FAM153A: variants seen among roughly 807,000 people sequenced by gnomAD.
FAM153A encodes protein FAM153A.
FAM153A carries 12 observed loss-of-function variants against 48.1 expected under a neutral mutation model. That is an observed-to-expected ratio of 0.25 (90% CI 0.16 to 0.40). FAM153A has a LOEUF of 0.40. Ranked by LOEUF, FAM153A falls within the 10% of genes least tolerant of loss-of-function variation. FAM153A has a pLI of 1.00. For synonymous variants in FAM153A, 36 were observed against 118.2 expected, an observed-to-expected ratio of 0.30 and a Z score of 4.51; for missense variants, 111 against 345.8, an observed-to-expected ratio of 0.32 and a Z score of 5.38.
rs1332525087 is a variant in FAM153A at position 177,714,485 on chromosome 5, CTAT to C, written c.*1223-572_*1223-570del. On this transcript the variant is annotated intron_variant and NMD_transcript_variant, in intron 25 of 26. Coordinates refer to the FAM153A transcript ENST00000360669. ...TATTAGAATGTTCTAATAATGAGTT[CTAT>C]TATTATAGTAATACTTCTGAATTCC... Among the ~76,000 whole-genome samples, 11 of 140,530 alleles carry C rather than the reference CTAT, an allele frequency of 7.8e-5. No homozygotes were observed. In the East Asian group the frequency reaches 2.1e-3, roughly 27 times the overall value. The allele number at this position is 140,530 out of a possible 152,430, so 92.2% of individuals were successfully genotyped here.
intron 18 of FAM153A, among the ~76,000 whole-genome samples, chr5:177,725,606 G>C (rs1434484186): frequency 6.6e-6 from 1 of 151,592 alleles, no homozygotes; most frequent in Non-Finnish European, 1.5e-5. Flanking sequence ...GGGAAGACTA[G>C]GAGGGAAGGT....
chr5:177,716,994 T>TGTGTGTGTGTGTGTGC (rs1554136879), intron 24 of FAM153A, among the ~76,000 whole-genome samples: 5 of 150,852 alleles, frequency 3.3e-5, no homozygotes, highest in Non-Finnish European at 1.5e-5. Flanking sequence ...TGTGTGTGTG[T>TGTGTGTGTGTGTGTGC]GTGTGTAGAG....
chr5:177,708,773 G>C (rs1261248464), downstream of FAM153A, among the ~76,000 whole-genome samples: 1 of 151,598 alleles, frequency 6.6e-6, no homozygotes, highest in Admixed American at 6.6e-5. Context: ...TAAGAGGGTT[G>C]CATGATTCCT....
At chr5:177,749,143 G>T (rs779900950) in intron 2 of FAM153A, among the ~76,000 whole-genome samples, 1 of 135,870 alleles carries the variant, frequency 7.4e-6, no homozygotes, top group Non-Finnish European at 1.7e-5. Context: ...AAAATACATC[G>T]TATTTATTAT....
the FAM153A span, among the ~76,000 whole-genome samples, chr5:177,701,868 C>T: frequency 2.7e-5 from 4 of 150,056 alleles, no homozygotes; most frequent in African/African-American, 7.4e-5. Context: ...GATGAGGTCT[C>T]AAATGCAAAT....
chr5:177,723,203 C>A (rs71601377), downstream of FAM153A: 2 of 136,022 alleles, frequency 1.5e-5, no homozygotes, highest in African/African-American at 2.6e-5. Flanking sequence ...CTAGCATCCC[C>A]ACCGGACCTG....
At chr5:177,713,493 G>A (rs13162334) in intron 26 of FAM153A, among the ~76,000 whole-genome samples, 8 of 151,356 alleles carry the variant, frequency 5.3e-5, no homozygotes, top group Admixed American at 2.0e-4. Context: ...TCCTGACCTC[G>A]TGATCCGCCC....
At chr5:177,710,505 T>C (rs1471691562), downstream of FAM153A, among the ~76,000 whole-genome samples, 1 of 151,720 alleles carries the variant, frequency 6.6e-6, no homozygotes, top group Non-Finnish European at 1.5e-5. Context: ...TTTTGTTCTC[T>C]GGGCCAGTAG....
chr5:177,701,271 T>C, the FAM153A span, among the ~76,000 whole-genome samples: 1 of 151,752 alleles, frequency 6.6e-6, no homozygotes, highest in Non-Finnish European at 1.5e-5. Flanking sequence ...CTTTATAAAT[T>C]ACCCAGTCTA....
chr5:177,702,022 C>T, the FAM153A span, among the ~76,000 whole-genome samples: 2 of 151,568 alleles, frequency 1.3e-5, no homozygotes, highest in African/African-American at 2.4e-5. Flanking sequence ...ATTCTCCTGC[C>T]TCAGCCTCCC....
chr5:177,746,035 G>A (rs1419028694), intron 4 of FAM153A, among the ~76,000 whole-genome samples: 1 of 150,772 alleles, frequency 6.6e-6, no homozygotes, highest in Non-Finnish European at 1.5e-5. Flanking sequence ...TTATACCAGG[G>A]CTTTGTGACA....
At chr5:177,737,864 A>G (rs1764928129) in intron 10 of FAM153A, among the ~76,000 whole-genome samples, 1 of 151,738 alleles carries the variant, frequency 6.6e-6, no homozygotes, top group African/African-American at 2.4e-5. Context: ...TTCAATGAGG[A>G]GATTAATTCT....
downstream of FAM153A, among the ~76,000 whole-genome samples, chr5:177,705,658 C>CTT (rs70994931): frequency 3.2e-3 from 253 of 79,822 alleles, 7 homozygotes; most frequent in African/African-American, 9.6e-3. Context: ...TTTTCTTTTT[C>CTT]TTTTTTTTTT....
chr5:177,698,059 G>A, the FAM153A span, among the ~76,000 whole-genome samples: 80,332 of 149,478 alleles, frequency 0.54, 21,854 homozygotes, highest in Middle Eastern at 0.62. Flanking sequence ...TAAGTAAGGC[G>A]GATGGGCAAC....
downstream of FAM153A, among the ~76,000 whole-genome samples, chr5:177,710,365 G>T (rs970487920): frequency 6.6e-6 from 1 of 151,650 alleles, no homozygotes; most frequent in African/African-American, 2.4e-5. Context: ...TCCTATCTTG[G>T]CCTCCCAAAG....
At position 177,743,620 on chromosome 5, in the gene FAM153A, A is replaced by G. The variant is rs1275201760; in HGVS notation, c.364+774T>C. ...GTTTCCCAGCAGAACTCGCTGTAGC[A>G]TGAGGCTGCTCCAGGGTCTAAATGC... On this transcript the variant is annotated intron_variant, in intron 6 of 20. Coordinates refer to ENST00000614127, the Ensembl canonical transcript of FAM153A. Among the ~76,000 whole-genome samples, 219 of 95,858 alleles carry G rather than the reference A, an allele frequency of 2.3e-3. 1 individual carries two copies. Among genetic ancestry groups the G allele is most frequent in the African/African-American group, 7.8e-3 (184 of 23,500 alleles). The allele number at this position is 95,858 out of a possible 152,430, so 62.9% of individuals were successfully genotyped here.
intron 1 of FAM153A, among the ~76,000 whole-genome samples, chr5:177,767,965 C>G (rs1391168386): frequency 1.2e-5 from 1 of 82,588 alleles, no homozygotes; most frequent in African/African-American, 4.7e-5. Context: ...CACACTCTAT[C>G]TGCAGATAGC....
intron 10 of FAM153A, 99 bp downstream of exon 12, chr5:177,739,011 GCTC>G (rs1765132444): frequency 2.2e-6 from 2 of 896,216 alleles, no homozygotes; most frequent in Admixed American, 4.9e-5. Flanking sequence ...CCAATAGGAA[GCTC>G]CAATGAGAGT....
At chr5:177,736,651 GT>G (rs1211709970) in intron 11 of FAM153A, 42 bp from the exon 14 acceptor site, 2 of 1,600,570 alleles carry the variant, frequency 1.2e-6, no homozygotes, top group Non-Finnish European at 1.7e-6. Context: ...ACCAGGCTGT[GT>G]CCTGTGTGCA....
Sources: allele counts gnomAD v4.1 joint callset (sites outside exome capture counted in the v4.1 genomes callset), GRCh38; gene constraint gnomAD v4.1.1; transcripts MANE v1.5; gene names NCBI Gene and HGNC (gene_info 2026-07-23, HGNC 2026-07-21).